TNKS: variants seen among roughly 807,000 people sequenced by gnomAD.
The protein encoded by TNKS is tankyrase.
Under a neutral mutation model 135.8 loss-of-function variants are expected in TNKS, and 72 were observed. That is an observed-to-expected ratio of 0.53 (90% confidence interval 0.44 to 0.64). The LOEUF is 0.64. Among genes scored for constraint, TNKS ranks in the 30% least tolerant of loss-of-function variants. TNKS has a pLI of 0.00. For synonymous variants in TNKS, 849 were observed against 649.3 expected (o/e 1.31, Z -4.68); for missense variants, 1,769 against 1,674.0 (o/e 1.06, Z -0.99).
intron 5 of TNKS, among the ~76,000 whole-genome samples, chr8:9,691,268 CT>C (rs60587776): frequency 0.74 from 111,667 of 151,914 alleles, 41,217 homozygotes; most frequent in Middle Eastern, 0.81. Flanking sequence ...TATTGTTATT[CT>C]TTTTTTGTCC....
chr8:9,578,855 A>G (rs551083822), intron 1 of TNKS, among the ~76,000 whole-genome samples: 1 of 152,352 alleles, frequency 6.6e-6, no homozygotes, highest in African/African-American at 2.4e-5. Flanking sequence ...CTAGCTTGTG[A>G]ATATAAAAAT....
chr8:9,606,017 G>A (rs867850354), intron 2 of TNKS, among the ~76,000 whole-genome samples: 28 of 151,736 alleles, frequency 1.8e-4, no homozygotes, highest in African/African-American at 6.3e-4. Context: ...TTTGCATCCC[G>A]AGGTCATGAA....
intron 20 of TNKS, among the ~76,000 whole-genome samples, chr8:9,758,796 G>C (rs1168138237): frequency 6.6e-6 from 1 of 152,220 alleles, no homozygotes; most frequent in Non-Finnish European, 1.5e-5. Context: ...GCTGCTGCTT[G>C]ATAAATTACC....
At chr8:9,754,136 C>T (rs889531642) in intron 20 of TNKS, among the ~76,000 whole-genome samples, 1 of 152,144 alleles carries the variant, frequency 6.6e-6, no homozygotes, top group African/African-American at 2.4e-5. Context: ...AACATAATTT[C>T]GTCTGCAGAC....
chr8:9,638,731 G>T (rs1157399533), intron 3 of TNKS, among the ~76,000 whole-genome samples: 1 of 151,980 alleles, frequency 6.6e-6, no homozygotes, highest in Non-Finnish European at 1.5e-5. Flanking sequence ...AGAAATTTTT[G>T]AAAAATGTGA....
In TNKS at chr8:9,720,194, G is replaced by A. The variant is rs4545100; in HGVS notation, c.1750-180G>A. ...AATTTTCAGTAAGGTGATCAGAGAA[G>A]GGTAACTAAAAAGAAGATAGTTCTT... On this transcript the variant is annotated intron_variant, in intron 11 of 26. Coordinates refer to ENST00000310430, the MANE Select transcript of TNKS (RefSeq NM_003747.3). 8.5e-3 allele frequency among the ~76,000 whole-genome samples: 1,296 copies of A among 152,212 alleles called. 18 individuals carry two copies. The highest frequency in any genetic ancestry group is 0.029 in the African/African-American group (1,211 of 41,538).
chr8:9,725,679 C>G (rs1290736804), intron 12 of TNKS, among the ~76,000 whole-genome samples: 2 of 152,088 alleles, frequency 1.3e-5, no homozygotes, highest in South Asian at 4.1e-4. Context: ...ATTATAGAGC[C>G]CAGTCTAAAA....
At chr8:9,579,089 A>C (rs2129053114) in intron 1 of TNKS, among the ~76,000 whole-genome samples, 1 of 152,194 alleles carries the variant, frequency 6.6e-6, no homozygotes, top group East Asian at 1.9e-4. Context: ...TGTTTGCCTC[A>C]TCCTTAGACT....
intron 1 of TNKS, among the ~76,000 whole-genome samples, chr8:9,560,619 G>C (rs1248793826): frequency 2.7e-5 from 4 of 145,806 alleles, no homozygotes; most frequent in African/African-American, 1.0e-4. Context: ...AAATGAGTCA[G>C]AATGCTGCAG....
intron 3 of TNKS, among the ~76,000 whole-genome samples, chr8:9,617,984 G>GTTTT (rs33956228): frequency 1.1e-5 from 1 of 94,006 alleles, no homozygotes; most frequent in East Asian, 2.9e-4. Flanking sequence ...CTCTTTTTTG[G>GTTTT]TTTTTTTTTT....
chr8:9,746,324 GT>G (rs1181235095), intron 17 of TNKS, among the ~76,000 whole-genome samples: 1 of 152,134 alleles, frequency 6.6e-6, no homozygotes, highest in Non-Finnish European at 1.5e-5. Flanking sequence ...TGAATCAGTA[GT>G]GCCTATTGTG....
At chr8:9,723,474 G>A (rs1420142397) in intron 12 of TNKS, among the ~76,000 whole-genome samples, 1 of 152,094 alleles carries the variant, frequency 6.6e-6, no homozygotes, top group African/African-American at 2.4e-5. Flanking sequence ...GTCTGTAGTT[G>A]CCAGAAGTTT....
chr8:9,731,907 C>T (rs1490025073), intron 14 of TNKS, among the ~76,000 whole-genome samples: 2 of 120,818 alleles, frequency 1.7e-5, no homozygotes, highest in East Asian at 3.3e-4. Context: ...CCTGCCTCAG[C>T]CTCCCGAATA....
intron 1 of TNKS, 21 bp from the exon 2 acceptor site, chr8:9,580,138 C>T: frequency 1.2e-6 from 2 of 1,600,368 alleles, no homozygotes; most frequent in Non-Finnish European, 1.7e-6. Context: ...ATATACAAGA[C>T]ATTTTTTCGT....
intron 12 of TNKS, among the ~76,000 whole-genome samples, chr8:9,721,803 C>T (rs2128813097): frequency 6.6e-6 from 1 of 152,192 alleles, no homozygotes; most frequent in East Asian, 1.9e-4. Context: ...CCTGTAATCC[C>T]AGCACTTTGG....
chr8:9,774,339 C>G lies in TNKS; in HGVS notation c.3898-2311C>G, dbSNP rs75087740. Among the ~76,000 whole-genome samples the G allele has an allele frequency of 3.6e-4, 55 of 152,238 alleles. No homozygotes were observed. In the East Asian group the frequency reaches 0.01, roughly 28 times the overall value. On this transcript the variant is annotated intron_variant, in intron 26 of 26. Transcript: ENST00000310430. ...TGGTTTCCAAACATACAGAATCATT[C>G]AAGAGAGCATGACGGTCCCTTCCTC... is the stretch of plus-strand genomic sequence containing the variant.
intron 25 of TNKS, 57 bp downstream of exon 25, chr8:9,766,482 T>A: frequency 8.2e-7 from 1 of 1,215,022 alleles, no homozygotes; most frequent in Non-Finnish European, 1.1e-6. Flanking sequence ...AACCAAATTG[T>A]CTTTTTTTTT....
intron 3 of TNKS, among the ~76,000 whole-genome samples, chr8:9,658,745 A>G (rs866173499): frequency 6.6e-6 from 1 of 152,228 alleles, no homozygotes; most frequent in Non-Finnish European, 1.5e-5. Flanking sequence ...TATTAACCTT[A>G]AATATAAATG....
chr8:9,701,546 T>C (rs58596872), intron 5 of TNKS, among the ~76,000 whole-genome samples: 12,217 of 152,202 alleles, frequency 0.08, 535 homozygotes, highest in South Asian at 0.17. Flanking sequence ...CATGAAAGAA[T>C]CCAAGATAGA....
Sources: gnomAD v4.1 joint callset for allele counts (sites outside exome capture counted in the v4.1 genomes callset) on GRCh38, gnomAD v4.1.1 for gene constraint, MANE v1.5 for transcripts, NCBI Gene and HGNC (gene_info 2026-07-23, HGNC 2026-07-21) for gene names.